IL17REL: variants seen among roughly 807,000 people sequenced by gnomAD.
IL17REL encodes interleukin-17 receptor E-like protein.
Under a neutral mutation model 49.0 loss-of-function variants are expected in IL17REL, and 36 were observed. That is an observed-to-expected ratio of 0.73 (90% confidence interval 0.56 to 0.97). The LOEUF (loss-of-function observed/expected upper bound fraction) is 0.97. IL17REL is among the 50% of genes least tolerant of loss of function. The probability of loss-of-function intolerance (pLI) is 0.00; values close to 1 mark genes in which losing one functional copy is unlikely to be tolerated. For missense variants in IL17REL, 470 were observed against 453.9 expected (o/e 1.04, Z -0.32); for synonymous variants, 206 against 192.4 (o/e 1.07, Z -0.58).
chr22:50,000,056 TCCTG>T, intron 4 of IL17REL, 89 bp from the exon 7 acceptor site: 1 of 1,351,518 alleles, frequency 7.4e-7, no homozygotes, highest in Non-Finnish European at 9.6e-7. Context: ...ACGTGGTGGC[TCCTG>T]CTGGGTTCAG....
intron 9 of IL17REL, 125 bp downstream of exon 11, chr22:49,997,900 G>T: frequency 7.1e-7 from 1 of 1,414,088 alleles, no homozygotes. Flanking sequence ...ACCAGGAGGG[G>T]GCTCTGAGGG....
At chr22:50,006,756 A>G (rs1162005873) in intron 1 of IL17REL, among the ~76,000 whole-genome samples, 1 of 152,130 alleles carries the variant, frequency 6.6e-6, no homozygotes, top group African/African-American at 2.4e-5. Context: ...GATCGAGACC[A>G]GCCTGGCCAA....
intron 7 of IL17REL, among the ~76,000 whole-genome samples, chr22:49,998,809 G>A (rs2061054688): frequency 6.6e-6 from 1 of 151,982 alleles, no homozygotes; most frequent in African/African-American, 2.4e-5. Context: ...GGGTGTGCCT[G>A]CCTGCGCGTG....
downstream of IL17REL, among the ~76,000 whole-genome samples, chr22:49,993,941 G>A (rs941160305): frequency 1.3e-5 from 2 of 152,074 alleles, no homozygotes; most frequent in African/African-American, 2.4e-5. The surrounding 1 kb of genome is among the most constrained non-coding windows in gnomAD (Gnocchi z 6.0). Flanking sequence ...GGGGGCGGAC[G>A]GGGTCTCCAG....
chr22:49,993,428 G>C (rs1292977353), downstream of IL17REL, among the ~76,000 whole-genome samples: 1 of 152,192 alleles, frequency 6.6e-6, no homozygotes, highest in African/African-American at 2.4e-5. This position sits in a 1 kb window ranked among gnomAD's most constrained non-coding sequence, Gnocchi z 6.0. Context: ...GGCGGTGGTG[G>C]TGGAGGGAGG....
rs1201066945 is a variant in IL17REL at position 49,998,367 on chromosome 22, C to T, written c.602-58G>A. 4.6e-6 allele frequency: 7 copies of T among 1,520,850 alleles called. No individual in the cohort carries two copies. In the African/African-American group the frequency reaches 8.3e-5, roughly 18 times the overall value. 94.2% of individuals were successfully genotyped at this position (1,520,850 alleles called of 1,614,324 possible). ...TGGGCCCTACCCTGGCTGCCAGGCC[C>T]ATGGGGTCTAGCACCCACTCAAGTG... On this transcript the variant is annotated intron_variant, in intron 7 of 12. Coordinates refer to ENST00000341280, the Ensembl canonical transcript of IL17REL.
chr22:50,009,349 G>T (rs148951280), upstream of IL17REL, among the ~76,000 whole-genome samples: 3,153 of 152,268 alleles, frequency 0.021, 60 homozygotes, highest in Middle Eastern at 0.037. Context: ...AGGACTTGTG[G>T]CCAGGCTCCC....
chr22:50,009,423 G>A (rs1348661000), upstream of IL17REL, among the ~76,000 whole-genome samples: 1 of 152,162 alleles, frequency 6.6e-6, no homozygotes, highest in African/African-American at 2.4e-5. Flanking sequence ...GGCAGAAGGC[G>A]CCCGGCACCC....
exon 4 of IL17REL, chr22:50,000,574 A>G: frequency 3.7e-6 from 6 of 1,613,454 alleles, no homozygotes; most frequent in Admixed American, 1.7e-5. Context: ...ACCGCAAAGC[A>G]GCCAAAGTGC....
At chr22:50,008,249 C>T (rs903781342) in intron 1 of IL17REL, among the ~76,000 whole-genome samples, 1 of 152,200 alleles carries the variant, frequency 6.6e-6, no homozygotes, top group Non-Finnish European at 1.5e-5. Flanking sequence ...TAAATAGATA[C>T]GCTGTTTAAC....
At chr22:50,011,280 C>G (rs960134451), upstream of IL17REL, among the ~76,000 whole-genome samples, 3 of 151,630 alleles carry the variant, frequency 2.0e-5, no homozygotes, top group Admixed American at 2.0e-4. Context: ...CTCTTCCACC[C>G]GCCTCAGCCC....
upstream of IL17REL, among the ~76,000 whole-genome samples, chr22:50,009,971 G>A: frequency 6.6e-6 from 1 of 152,426 alleles, no homozygotes; most frequent in South Asian, 2.1e-4. Flanking sequence ...GGAATCGGCG[G>A]CAGTCAGTGA....
chr22:49,998,155 G>A (rs771185738), exon 8 of IL17REL: 34 of 1,607,186 alleles, frequency 2.1e-5, no homozygotes, highest in Non-Finnish European at 2.5e-5. Context: ...GCACCAGCTG[G>A]CTGGATTGCT....
At chr22:50,010,738 G>A (rs895098499), upstream of IL17REL, among the ~76,000 whole-genome samples, 1 of 152,058 alleles carries the variant, frequency 6.6e-6, no homozygotes, top group South Asian at 2.1e-4. Flanking sequence ...GCGGAACGTC[G>A]CGCGGTTCTG....
At chr22:50,005,217 A>G (rs2061102906) in intron 1 of IL17REL, among the ~76,000 whole-genome samples, 1 of 152,182 alleles carries the variant, frequency 6.6e-6, no homozygotes, top group African/African-American at 2.4e-5. Flanking sequence ...TACAAAACAG[A>G]ATTCATTGTT....
At chr22:49,998,038 T>A (rs1365313012) in exon 9 of IL17REL, 10 of 1,593,618 alleles carry the variant, frequency 6.3e-6, no homozygotes, top group Admixed American at 1.9e-5. Flanking sequence ...CAGGCAGAGC[T>A]GGGGCTGGGT....
chr22:50,005,013 G>A (rs1028071614), intron 1 of IL17REL, among the ~76,000 whole-genome samples: 3 of 147,888 alleles, frequency 2.0e-5, no homozygotes, highest in African/African-American at 7.5e-5. Flanking sequence ...CGGAGGAGAA[G>A]GACTCACGGT....
At chr22:49,999,498 G>A (rs780686092) in exon 6 of IL17REL, 3 of 1,604,572 alleles carry the variant, frequency 1.9e-6, no homozygotes, top group Admixed American at 3.4e-5. Context: ...GCTGTTGGCG[G>A]TCACCTGCAA....
intron 5 of IL17REL, 56 bp from the exon 8 acceptor site, chr22:49,999,558 G>T: frequency 7.1e-7 from 1 of 1,412,948 alleles, no homozygotes; most frequent in Non-Finnish European, 9.7e-7. Context: ...GGTGGTCTGG[G>T]GTGGGCGGGA....
Sources: gnomAD v4.1 joint callset for allele counts (sites outside exome capture counted in the v4.1 genomes callset) on GRCh38, gnomAD v4.1.1 for gene constraint, Gnocchi (gnomAD v3.1) non-coding constraint, MANE v1.5 for transcripts, NCBI Gene and HGNC (gene_info 2026-07-23, HGNC 2026-07-21) for gene names.